NPHP4: variants seen among roughly 807,000 people sequenced by gnomAD.
NPHP4 encodes the protein nephrocystin 4.
NPHP4 carries 151 observed loss-of-function variants against 155.8 expected under a neutral mutation model. The ratio of observed to expected loss-of-function variants is 0.97; its 90% CI spans 0.85 to 1.11. The LOEUF is 1.11. NPHP4 is among the 50% of genes least tolerant of loss of function. The pLI is 0.00. For missense variants in NPHP4, 1,956 were observed against 1,925.7 expected (o/e 1.02, Z -0.29); for synonymous variants, 845 against 816.8 (o/e 1.03, Z -0.59).
Position 5,905,861 on chromosome 1 carries a change from G to C in NPHP4, c.1612-78C>G, listed in dbSNP as rs977573608. ...CAACCAACGGTGCTCAGATCTAAGG[G>C]GATTCATCGATTAATTGCCTCTGGA... On this transcript the variant is annotated intron_variant, in intron 13 of 29. Coordinates refer to ENST00000378156, the MANE Select transcript of NPHP4 (RefSeq NM_015102.5). This position sits in a 1 kb window ranked among gnomAD's most constrained non-coding sequence, Gnocchi z 4.0. The C allele has an allele frequency of 3.6e-6, 5 of 1,380,278 alleles. No homozygotes were observed. In the African/African-American group the frequency reaches 5.8e-5, roughly 16 times the overall value. 85.5% of individuals were successfully genotyped at this position (1,380,278 alleles called of 1,614,324 possible).
At chr1:5,926,373 T>C (rs1646003853) in intron 11 of NPHP4, among the ~76,000 whole-genome samples, 1 of 152,228 alleles carries the variant, frequency 6.6e-6, no homozygotes, top group South Asian at 2.1e-4. Context: ...TGTATTACTA[T>C]TGTACTTTTA....
intron 16 of NPHP4, among the ~76,000 whole-genome samples, chr1:5,894,380 G>A (rs901725938): frequency 6.6e-6 from 1 of 151,904 alleles, no homozygotes; most frequent in Non-Finnish European, 1.5e-5. Context: ...AACCCAGGAG[G>A]TGCAGGTTGA....
intron 16 of NPHP4, among the ~76,000 whole-genome samples, chr1:5,899,751 T>C (rs996041370): frequency 6.6e-6 from 1 of 152,134 alleles, no homozygotes; most frequent in Non-Finnish European, 1.5e-5. Context: ...AAATAACTAA[T>C]GACCTGGACT....
chr1:5,880,088 A>G (rs1557636209), intron 19 of NPHP4, 26 bp downstream of exon 19: 2 of 1,612,914 alleles, frequency 1.2e-6, no homozygotes, highest in Non-Finnish European at 1.7e-6. Context: ...ACCCACCCAC[A>G]CATGGGCCCA....
intron 23 of NPHP4, among the ~76,000 whole-genome samples, chr1:5,870,910 A>C (rs1281907797): frequency 6.6e-6 from 1 of 152,236 alleles, no homozygotes; most frequent in East Asian, 1.9e-4. Flanking sequence ...GGTGGGGGCC[A>C]CTGGACGGGC....
intron 9 of NPHP4, among the ~76,000 whole-genome samples, chr1:5,935,460 C>T (rs1331260767): frequency 1.3e-5 from 2 of 152,230 alleles, no homozygotes; most frequent in African/African-American, 4.8e-5. Flanking sequence ...TCAACATTTG[C>T]CAAATACAAA....
Position 5,907,198 on chromosome 1 carries a change from A to T in NPHP4, c.1528T>A (p.Ser510Thr). The T allele has an allele frequency of 6.3e-7, 1 of 1,584,276 alleles. No homozygotes were observed. The change falls in exon 13 of 30, where the codon TCC (serine) becomes ACC (threonine). Residue 510 changes from serine (S) to threonine (T), a missense_variant. Ser to Thr is a moderately conservative substitution (Grantham distance 58). Transcript: ENST00000378156. ...PGLSISQLAA[S>T]PRSPTQHCLA... ...CAGTGCTGAGTCGGGGACCGCGGGGAGGCCGCCAGCTGGGAAATTGACAAC... is the reference window on the plus strand; with the variant it reads ...CAGTGCTGAGTCGGGGACCGCGGGGTGGCCGCCAGCTGGGAAATTGACAAC...
chr1:5,951,899 G>A (rs982827671), intron 7 of NPHP4, among the ~76,000 whole-genome samples: 3 of 152,292 alleles, frequency 2.0e-5, no homozygotes, highest in Admixed American at 1.3e-4. Flanking sequence ...TCGCTGGGAC[G>A]GAGCCGGAGA....
rs769430779 is a variant in NPHP4 at position 5,905,583 on chromosome 1, G to A, written c.1763+49C>T. On this transcript the variant is annotated intron_variant, in intron 14 of 29. Coordinates refer to ENST00000378156, the MANE Select transcript of NPHP4 (RefSeq NM_015102.5). This position sits in a 1 kb window ranked among gnomAD's most constrained non-coding sequence, Gnocchi z 4.0. ...TGGGGTTCACAAGGTCCAACAGTCTGACGGCACAGCACGTGACTGGTTCCA... is the reference window on the plus strand; with the variant it reads ...TGGGGTTCACAAGGTCCAACAGTCTAACGGCACAGCACGTGACTGGTTCCA... The A allele has an allele frequency of 2.5e-6, 4 of 1,610,752 alleles. No individual in the cohort carries two copies. The highest frequency in any genetic ancestry group is 3.4e-6 in the Non-Finnish European group (4 of 1,177,812).
At chr1:5,952,267 C>G (rs1027508696) in intron 7 of NPHP4, among the ~76,000 whole-genome samples, 21 of 152,230 alleles carry the variant, frequency 1.4e-4, no homozygotes, top group Non-Finnish European at 2.8e-4. Flanking sequence ...CCGACGTCCT[C>G]TGAACATGGG....
chr1:5,895,544 G>A (rs185222928), intron 16 of NPHP4, among the ~76,000 whole-genome samples: 135 of 152,160 alleles, frequency 8.9e-4, no homozygotes, highest in African/African-American at 3.0e-3. Flanking sequence ...GCATTAAGAT[G>A]GACTTCACAT....
chr1:5,959,914 T>A (rs1649984110), intron 6 of NPHP4, among the ~76,000 whole-genome samples: 1 of 152,108 alleles, frequency 6.6e-6, no homozygotes, highest in South Asian at 2.1e-4. Context: ...CACAGCTAGT[T>A]CCAAGATCAA....
intron 11 of NPHP4, among the ~76,000 whole-genome samples, chr1:5,924,952 G>A (rs1360630354): frequency 3.9e-5 from 6 of 152,124 alleles, no homozygotes; most frequent in East Asian, 1.9e-4. Context: ...CACCATGCCT[G>A]GCCTGTATCA....
intron 16 of NPHP4, among the ~76,000 whole-genome samples, chr1:5,898,503 C>A (rs1255640471): frequency 6.6e-6 from 1 of 152,368 alleles, no homozygotes; most frequent in South Asian, 2.1e-4. Flanking sequence ...GCGTGCAGGG[C>A]CTTGGCACGA....
chr1:5,962,005 G>A, intron 5 of NPHP4, 56 bp from the exon 6 acceptor site: 2 of 1,405,026 alleles, frequency 1.4e-6, no homozygotes, highest in Non-Finnish European at 2.0e-6. Flanking sequence ...GGTGCTTCCA[G>A]TCAAACCAGC....
In NPHP4 at chr1:5,867,318, C is replaced by A; in HGVS notation, c.3473-203G>T. The A allele has an allele frequency of 1.7e-6, 1 of 575,164 alleles. No individual in the cohort carries two copies. The highest frequency in any genetic ancestry group is 3.1e-6 in the Non-Finnish European group (1 of 324,086). The allele number at this position is 575,164 out of a possible 1,614,324, so 35.6% of individuals were successfully genotyped here. On this transcript the variant is annotated intron_variant, in intron 24 of 29. Transcript: ENST00000378156. This position sits in a 1 kb window ranked among gnomAD's most constrained non-coding sequence, Gnocchi z 4.1. ...CTGCATGGACACCGCCCATCCAGCC[C>A]ACTGCGGCTCGGCTGCAGCCATCTC...
rs984629059 is a variant in NPHP4, at chr1:5,889,202, G to A, written c.2304+1666C>T. 8.5e-5 allele frequency among the ~76,000 whole-genome samples: 13 copies of A among 152,178 alleles called. No homozygotes were observed. Among genetic ancestry groups the A allele is most frequent in the South Asian group, 2.1e-4 (1 of 4,818 alleles). On this transcript the variant is annotated intron_variant, in intron 17 of 29. Transcript: ENST00000378156. The surrounding 1 kb of genome is among the most constrained non-coding windows in gnomAD (Gnocchi z 4.2). The stretch of plus-strand genomic sequence containing the variant: ...AGTCCACAGCAGTGATTAGCAGAAG[G>A]AAAAGCCACTGTAGTGACCCGCAAC...
At chr1:5,984,924 A>C (rs1655242822) in intron 2 of NPHP4, among the ~76,000 whole-genome samples, 1 of 152,198 alleles carries the variant, frequency 6.6e-6, no homozygotes, top group Non-Finnish European at 1.5e-5. Flanking sequence ...AGCTGGCTTC[A>C]CTCTTAATTA....
At chr1:5,962,388 C>T (rs1433252592) in intron 5 of NPHP4, among the ~76,000 whole-genome samples, 4 of 152,112 alleles carry the variant, frequency 2.6e-5, no homozygotes, top group Admixed American at 2.0e-4. Context: ...CTCCCACCCA[C>T]TAATTCCCTC....
Sources: allele counts gnomAD v4.1 joint callset (sites outside exome capture counted in the v4.1 genomes callset), GRCh38; gene constraint gnomAD v4.1.1; non-coding constraint Gnocchi (gnomAD v3.1); transcripts MANE v1.5; gene names NCBI Gene and HGNC (gene_info 2026-07-23, HGNC 2026-07-21).